CDH20: variants seen among roughly 807,000 people sequenced by gnomAD.
The protein encoded by CDH20 is cadherin-20.
A neutral mutation model predicts 74.2 loss-of-function variants in CDH20; 29 were observed. That is an observed-to-expected ratio of 0.39 (90% CI 0.29 to 0.53). The LOEUF is 0.53. Among genes scored for constraint, CDH20 ranks in the 20% least tolerant of loss-of-function variants. CDH20 has a pLI of 0.69. For synonymous variants in CDH20, 469 were observed against 405.4 expected (o/e 1.16, Z -1.88); for missense variants, 988 against 1,048.3 (o/e 0.94, Z 0.79).
intron 3 of CDH20, among the ~76,000 whole-genome samples, chr18:61,500,011 G>A (rs1911309524): frequency 6.6e-6 from 1 of 150,592 alleles, no homozygotes; most frequent in African/African-American, 2.4e-5. Flanking sequence ...GGCTGAGGCA[G>A]GGGAATCACT....
intron 1 of CDH20, among the ~76,000 whole-genome samples, chr18:61,472,002 G>T (rs904734423): frequency 2.6e-5 from 4 of 152,044 alleles, no homozygotes; most frequent in Non-Finnish European, 5.9e-5. Flanking sequence ...AGGACAACAT[G>T]TCCAAAGAAC....
chr18:61,418,037 G>T (rs1309823375), intron 1 of CDH20, among the ~76,000 whole-genome samples: 1 of 151,942 alleles, frequency 6.6e-6, no homozygotes, highest in Non-Finnish European at 1.5e-5. Flanking sequence ...TAATAAAAAT[G>T]ACAAAAATTA....
intron 1 of CDH20, among the ~76,000 whole-genome samples, chr18:61,344,011 T>A (rs899526515): frequency 6.6e-6 from 1 of 152,112 alleles, no homozygotes; most frequent in Admixed American, 6.6e-5. Flanking sequence ...TCAGGGAAGG[T>A]ATCAGAGGTC....
intron 4 of CDH20, among the ~76,000 whole-genome samples, chr18:61,502,275 G>A (rs1408911652): frequency 6.6e-6 from 1 of 152,064 alleles, no homozygotes; most frequent in Admixed American, 6.6e-5. Flanking sequence ...AACCGTATCT[G>A]CTGCTTGCTC....
intron 1 of CDH20, among the ~76,000 whole-genome samples, chr18:61,437,033 C>A (rs773593626): frequency 2.0e-5 from 3 of 152,126 alleles, no homozygotes; most frequent in Non-Finnish European, 4.4e-5. Flanking sequence ...ATTCCTGGAA[C>A]ATAGTAGGCA....
At chr18:61,443,540 G>A (rs1002242722) in intron 1 of CDH20, among the ~76,000 whole-genome samples, 2 of 152,134 alleles carry the variant, frequency 1.3e-5, no homozygotes, top group African/African-American at 2.4e-5. Context: ...CCAGAGCCGT[G>A]CTACTCAGAG....
chr18:61,509,193 A>G (rs1911691413), intron 6 of CDH20, among the ~76,000 whole-genome samples: 1 of 152,196 alleles, frequency 6.6e-6, no homozygotes, highest in South Asian at 2.1e-4. Context: ...TCATGTAACC[A>G]AATACTCCCT....
chr18:61,550,107 A>C lies in CDH20; in HGVS notation c.1778A>C (p.Gln593Pro). ...VLSSTGTLTIQVCSCDDDGHV... is the reference protein window; with the variant it reads ...VLSSTGTLTIPVCSCDDDGHV... ...AGCAGCACAGGCACACTGACCATCC[A>C]AGTGTGCAGCTGTGATGACGACGGC... Residue 593 changes from glutamine (Q) to proline (P), a missense_variant, in exon 11 of 12, where the codon CAA becomes CCA. Transcript: ENST00000262717. 6.2e-7 allele frequency: 1 copy of C among 1,614,214 alleles called. No homozygotes were observed. The highest frequency in any genetic ancestry group is 8.5e-7 in the Non-Finnish European group (1 of 1,180,046).
At chr18:61,402,437 G>A (rs147659611) in intron 1 of CDH20, among the ~76,000 whole-genome samples, 2,063 of 150,128 alleles carry the variant, frequency 0.014, 41 homozygotes, top group African/African-American at 0.048. Flanking sequence ...TATTCAAGGG[G>A]AAAAAAAAAG....
chr18:61,365,391 T>A (rs1402633525), intron 1 of CDH20, among the ~76,000 whole-genome samples: 2 of 152,234 alleles, frequency 1.3e-5, no homozygotes. Flanking sequence ...GGTTTCTAAA[T>A]TCCTATTCTA....
chr18:61,538,439 A>AAC, intron 8 of CDH20, among the ~76,000 whole-genome samples: 1 of 152,026 alleles, frequency 6.6e-6, no homozygotes, highest in East Asian at 1.9e-4. Flanking sequence ...AAGGTTCACC[A>AAC]ACACACACCT....
chr18:61,537,170 T>G lies in CDH20; in HGVS notation c.1408+541T>G, dbSNP rs151066644. ...AAAAATTAGATTATGTACTACTACA[T>G]TCCTTTTTTTTTCCATACTGGTGAT... is the stretch of plus-strand genomic sequence containing the variant. On this transcript the variant is annotated intron_variant, in intron 8 of 11. Coordinates refer to ENST00000262717, the MANE Select transcript of CDH20 (RefSeq NM_031891.4). Among the ~76,000 whole-genome samples the G allele has an allele frequency of 1.7e-3, 265 of 152,172 alleles. 1 individual carries two copies. The highest frequency in any genetic ancestry group is 6.2e-3 in the African/African-American group (257 of 41,552).
At chr18:61,382,598 G>C (rs1911468879) in intron 1 of CDH20, among the ~76,000 whole-genome samples, 1 of 152,138 alleles carries the variant, frequency 6.6e-6, no homozygotes, top group East Asian at 1.9e-4. Flanking sequence ...CTTTGTACTA[G>C]GTACTTCCAA....
chr18:61,347,347 CACA>C (rs1568104210), intron 1 of CDH20, among the ~76,000 whole-genome samples: 17 of 120,494 alleles, frequency 1.4e-4, no homozygotes, highest in African/African-American at 5.4e-4. Context: ...CACACACACA[CACA>C]CATATATATA....
Position 61,507,496 on chromosome 18 carries a change from G to T in CDH20, c.953G>T (p.Gly318Val), listed in dbSNP as rs1194289241. The T allele has an allele frequency of 2.0e-5, 33 of 1,613,926 alleles. No individual in the cohort carries two copies. The highest frequency in any genetic ancestry group is 2.8e-5 in the Non-Finnish European group (33 of 1,179,994). ...AAATATACTATTGTGGATGGAGATG[G>T]TGCAGATGCCTTTGACATTAGCACA... ...EMKYTIVDGDGADAFDISTDP... is the reference protein window; with the variant it reads ...EMKYTIVDGDVADAFDISTDP... The change falls in exon 6 of 12, where the codon GGT becomes GTT. Residue 318 changes from glycine (G) to valine (V), a missense_variant. Coordinates refer to ENST00000262717, the MANE Select transcript of CDH20 (RefSeq NM_031891.4).
intron 1 of CDH20, among the ~76,000 whole-genome samples, chr18:61,444,005 C>A (rs564980931): frequency 4.6e-5 from 7 of 152,196 alleles, no homozygotes; most frequent in African/African-American, 1.7e-4. Flanking sequence ...GTTGTCTGGA[C>A]CCGTTACTCT....
At chr18:61,494,021 C>A (rs780824007) in intron 2 of CDH20, among the ~76,000 whole-genome samples, 1 of 152,144 alleles carries the variant, frequency 6.6e-6, no homozygotes, top group South Asian at 2.1e-4. Context: ...TACTATGTGT[C>A]GGTCACAATC....
At chr18:61,478,041 A>C (rs1910453493) in intron 1 of CDH20, among the ~76,000 whole-genome samples, 1 of 152,108 alleles carries the variant, frequency 6.6e-6, no homozygotes, top group Non-Finnish European at 1.5e-5. Flanking sequence ...TCTACTAAAA[A>C]TTAAAAAGTT....
At chr18:61,549,901 C>T in intron 10 of CDH20, 77 bp from the exon 11 acceptor site, 1 of 1,486,546 alleles carries the variant, frequency 6.7e-7, no homozygotes, top group Admixed American at 1.7e-5. Flanking sequence ...CACCCTGCCC[C>T]TGCCCCCTTG....
Sources: gnomAD v4.1 joint callset for allele counts (sites outside exome capture counted in the v4.1 genomes callset) on GRCh38, gnomAD v4.1.1 for gene constraint, MANE v1.5 for transcripts, NCBI Gene and HGNC (gene_info 2026-07-23, HGNC 2026-07-21) for gene names.